Variants in RAP1GAP observed in about 807,000 individuals in gnomAD.
RAP1GAP encodes the protein RAP1 GTPase activating protein.
Under a neutral mutation model 87.2 loss-of-function variants are expected in RAP1GAP, and 35 were observed. The observed-to-expected ratio is 0.40, with a 90% CI of 0.31 to 0.53. The LOEUF (loss-of-function observed/expected upper bound fraction) is 0.53, where lower values mean the gene tolerates loss of function less well. RAP1GAP is among the 20% of genes least tolerant of loss of function. RAP1GAP has a pLI of 0.48. For synonymous variants in RAP1GAP, 375 were observed against 363.9 expected (o/e 1.03, Z -0.35); for missense variants, 734 against 898.9 (o/e 0.82, Z 2.35).
intron 22 of RAP1GAP, 36 bp from the exon 23 acceptor site, chr1:21,598,100 C>T (rs1646258453): frequency 1.5e-6 from 2 of 1,372,886 alleles, no homozygotes; most frequent in Non-Finnish European, 2.0e-6. Context: ...ACCTCACTGG[C>T]CGCGGGGAGG....
chr1:21,650,422 G>A (rs990749093), intron 1 of RAP1GAP, among the ~76,000 whole-genome samples: 1 of 152,042 alleles, frequency 6.6e-6, no homozygotes, highest in Non-Finnish European at 1.5e-5. Context: ...GCCCCAGGAC[G>A]CATGTGTGGG....
intron 20 of RAP1GAP, among the ~76,000 whole-genome samples, chr1:21,600,899 A>G (rs1052805426): frequency 6.7e-6 from 1 of 148,594 alleles, no homozygotes; most frequent in Admixed American, 6.7e-5. Context: ...AAAAAAAAAA[A>G]GTCAAAGCTC....
chr1:21,617,243 C>A lies in RAP1GAP; in HGVS notation c.291+63G>T, dbSNP rs1335190768. ...TGGGTTCTGCTCCCTCCCAGGCCCA[C>A]CTCGAATGGGGCTGAACTGTGACCC... On this transcript the variant is annotated intron_variant, in intron 7 of 24. Coordinates refer to ENST00000374765, the MANE Select transcript of RAP1GAP (RefSeq NM_002885.4). The A allele has an allele frequency of 3.3e-6, 5 of 1,522,544 alleles. No individual in the cohort carries two copies. The African/African-American group carries it at 6.9e-5, about 21-fold the overall frequency. 94.3% of individuals were successfully genotyped at this position (1,522,544 alleles called of 1,614,324 possible).
intron 19 of RAP1GAP, 148 bp downstream of exon 19, chr1:21,602,656 G>C (rs539107424): frequency 3.0e-6 from 2 of 659,788 alleles, no homozygotes; most frequent in East Asian, 5.9e-5. Context: ...TGCCCGACAC[G>C]CAGCAGGGAC....
chr1:21,608,129 G>A (rs1205387843), intron 17 of RAP1GAP, 84 bp downstream of exon 17: 2 of 1,540,088 alleles, frequency 1.3e-6, no homozygotes, highest in Non-Finnish European at 1.8e-6. Flanking sequence ...CCCACGCCGT[G>A]TCCATCAGTC....
rs1277550983 is a variant in RAP1GAP at position 21,602,814 on chromosome 1, G to C, written c.1528C>G (p.Gln510Glu). The change falls in exon 19 of 25, where the codon CAG (glutamine) becomes GAG (glutamate). Residue 510 changes from glutamine to glutamate, a missense_variant. Around this residue, in one of 2 missense-constraint regions of RAP1GAP, gnomAD observed 249 missense variants for 252.7 expected, o/e 0.99. Coordinates refer to ENST00000374765, the MANE Select transcript of RAP1GAP (RefSeq NM_002885.4). ...AIGIENIQEV[Q>E]EKRESPPAGQ... ...CCCCCACTCACCCACCTCTTCTCCTGCACCTCCTGTATGTTCTCGATGCCA... is the reference window on the plus strand; with the variant it reads ...CCCCCACTCACCCACCTCTTCTCCTCCACCTCCTGTATGTTCTCGATGCCA... 1 of 1,607,594 alleles carries C rather than the reference G, an allele frequency of 6.2e-7. No homozygotes were observed. Among genetic ancestry groups the C allele is most frequent in the East Asian group, 2.2e-5 (1 of 44,822 alleles).
intron 17 of RAP1GAP, 57 bp downstream of exon 17, chr1:21,608,156 G>C (rs1157472736): frequency 4.5e-5 from 71 of 1,591,756 alleles, no homozygotes; most frequent in Non-Finnish European, 5.9e-5. Flanking sequence ...CCTCAGCCCG[G>C]GATTCCGCCC....
intron 1 of RAP1GAP, among the ~76,000 whole-genome samples, chr1:21,665,478 G>A (rs1003177096): frequency 6.6e-6 from 1 of 152,192 alleles, no homozygotes; most frequent in African/African-American, 2.4e-5. Flanking sequence ...TGCTTAGTGA[G>A]TAGGCACACG....
At chr1:21,635,296 C>T (rs1272937964) in intron 2 of RAP1GAP, among the ~76,000 whole-genome samples, 3 of 152,166 alleles carry the variant, frequency 2.0e-5, no homozygotes, top group African/African-American at 7.2e-5. Flanking sequence ...CCCCAGCCTC[C>T]GCAGCCCAGG....
At chr1:21,630,570 A>G (rs2093536575) in intron 2 of RAP1GAP, among the ~76,000 whole-genome samples, 1 of 150,016 alleles carries the variant, frequency 6.7e-6, no homozygotes, top group Admixed American at 6.6e-5. Context: ...GTTGTTGTTA[A>G]GAAATGGGGT....
At chr1:21,642,088 C>T (rs2095576622) in intron 2 of RAP1GAP, among the ~76,000 whole-genome samples, 1 of 152,236 alleles carries the variant, frequency 6.6e-6, no homozygotes, top group African/African-American at 2.4e-5. Context: ...TCCTCAAGGT[C>T]ACTGGCCAGG....
At chr1:21,620,655 C>T (rs1018908435) in intron 3 of RAP1GAP, among the ~76,000 whole-genome samples, 9 of 152,166 alleles carry the variant, frequency 5.9e-5, no homozygotes, top group African/African-American at 1.9e-4. Context: ...GCTTGGCAGC[C>T]CCGGCCTCTC....
At position 21,654,629 on chromosome 1, in the gene RAP1GAP, T is replaced by A. The variant is rs187280575; in HGVS notation, c.-148-4833A>T. Among the ~76,000 whole-genome samples, 7 of 150,996 alleles carry A rather than the reference T, an allele frequency of 4.6e-5. No homozygotes were observed. The East Asian group carries it at 1.2e-3, about 25-fold the overall frequency. ...GGGAGGATCACTTGAGAGTAGGAGT[T>A]GGAGAACAGCTTAGGCAACATAGTG... On this transcript the variant is annotated intron_variant, in intron 1 of 24. Coordinates refer to ENST00000374765, the MANE Select transcript of RAP1GAP (RefSeq NM_002885.4).
intron 1 of RAP1GAP, among the ~76,000 whole-genome samples, chr1:21,658,402 T>C (rs979115443): frequency 6.6e-6 from 1 of 151,886 alleles, no homozygotes; most frequent in African/African-American, 2.4e-5. Context: ...ACCTTGTCTC[T>C]ACTAAAAATA....
chr1:21,666,766 AG>A (rs1278656781), intron 1 of RAP1GAP, among the ~76,000 whole-genome samples: 1 of 151,492 alleles, frequency 6.6e-6, no homozygotes, highest in African/African-American at 2.4e-5. Context: ...CGTGTCTGCC[AG>A]GTTCATTTTT....
In RAP1GAP at chr1:21,626,373, G is replaced by A. The variant is rs761237204; in HGVS notation, c.-88C>T. The A allele has an allele frequency of 2.5e-6, 4 of 1,613,194 alleles. No individual in the cohort carries two copies. The highest frequency in any genetic ancestry group is 2.2e-5 in the East Asian group (1 of 44,890). ...GTGACAGGTCTAGTGCCTGAGGGAA[G>A]TGCTGGTTCTGCCCATCGCTCCTCC... On this transcript the variant is annotated 5_prime_UTR_variant, in exon 3 of 25. Transcript: ENST00000374765.
At chr1:21,641,531 C>T (rs1365586594) in intron 2 of RAP1GAP, among the ~76,000 whole-genome samples, 3 of 152,204 alleles carry the variant, frequency 2.0e-5, no homozygotes, top group African/African-American at 7.2e-5. Flanking sequence ...GTCTCCTGCA[C>T]TGGAGGATAA....
In RAP1GAP at chr1:21,613,284, G is replaced by GCCCC; in HGVS notation, c.475-56_475-55insGGGG. 1 of 1,431,760 alleles carries GCCCC rather than the reference G, an allele frequency of 7.0e-7. No homozygotes were observed. The highest frequency in any genetic ancestry group is 9.9e-7 in the Non-Finnish European group (1 of 1,014,444). 88.7% of individuals were successfully genotyped at this position (1,431,760 alleles called of 1,614,324 possible). On this transcript the variant is annotated intron_variant, in intron 9 of 24. Transcript: ENST00000374765. This position sits in a 1 kb window ranked among gnomAD's most constrained non-coding sequence, Gnocchi z 4.7. Reference sequence around the variant, plus strand: ...GGTGTGGGGCCAGGGAGGAGAGGATGGGGCTGCCTGGGCCTCCCTGGTCAA... The same window carrying GCCCC: ...GGTGTGGGGCCAGGGAGGAGAGGATGCCCCGGGCTGCCTGGGCCTCCCTGGTCAA...
intron 6 of RAP1GAP, 44 bp from the exon 7 acceptor site, chr1:21,617,535 C>G: frequency 6.4e-7 from 1 of 1,551,112 alleles, no homozygotes; most frequent in Non-Finnish European, 8.7e-7. Flanking sequence ...CTGTACCCCA[C>G]TGGGCGCCCC....
Sources: gnomAD v4.1 joint callset for allele counts (sites outside exome capture counted in the v4.1 genomes callset) on GRCh38, gnomAD v4.1.1 for gene constraint, gnomAD v4.1.1 regional missense constraint, Gnocchi (gnomAD v3.1) non-coding constraint, MANE v1.5 for transcripts, NCBI Gene and HGNC (gene_info 2026-07-23, HGNC 2026-07-21) for gene names.